KIF21A: variants seen among roughly 807,000 people sequenced by gnomAD.
KIF21A encodes kinesin-like protein KIF21A.
Under a neutral mutation model 202.9 loss-of-function variants are expected in KIF21A, and 114 were observed. The observed-to-expected ratio is 0.56, with a 90% CI of 0.48 to 0.66. KIF21A has a LOEUF of 0.66. Among genes scored for constraint, KIF21A ranks in the 30% least tolerant of loss-of-function variants. KIF21A has a pLI of 0.00. For missense variants in KIF21A, 1,677 were observed against 1,994.9 expected, an observed-to-expected ratio of 0.84 and a Z score of 3.04; for synonymous variants, 667 against 670.8, an observed-to-expected ratio of 0.99 and a Z score of 0.09.
At chr12:39,339,811 G>C (rs150299854) in intron 16 of KIF21A, among the ~76,000 whole-genome samples, 1 of 152,248 alleles carries the variant, frequency 6.6e-6, no homozygotes, top group African/African-American at 2.4e-5. Context: ...TATCTGTAAT[G>C]CTTAATATTT....
At chr12:39,338,884 C>G (rs1947207096) in intron 16 of KIF21A, among the ~76,000 whole-genome samples, 1 of 152,160 alleles carries the variant, frequency 6.6e-6, no homozygotes, top group Non-Finnish European at 1.5e-5. Flanking sequence ...CAACAGACAT[C>G]CTCAAGGCAG....
At chr12:39,434,524 T>A (rs1000649030) in intron 1 of KIF21A, among the ~76,000 whole-genome samples, 5 of 152,244 alleles carry the variant, frequency 3.3e-5, no homozygotes, top group African/African-American at 1.2e-4. Flanking sequence ...TGTCTCGTGA[T>A]CCTTTCTCAA....
At chr12:39,324,280 G>A (rs1297057990) in intron 26 of KIF21A, among the ~76,000 whole-genome samples, 1 of 151,914 alleles carries the variant, frequency 6.6e-6, no homozygotes, top group East Asian at 1.9e-4. Flanking sequence ...ATTTTTCTTG[G>A]GAATTCTTAA....
chr12:39,347,580 T>C (rs1391320379), intron 11 of KIF21A, among the ~76,000 whole-genome samples: 1 of 152,068 alleles, frequency 6.6e-6, no homozygotes, highest in African/African-American at 2.4e-5. Flanking sequence ...TTTCATAATG[T>C]AAGTGCTCCC....
At chr12:39,370,674 G>T (rs1339330403) in intron 1 of KIF21A, among the ~76,000 whole-genome samples, 1 of 151,838 alleles carries the variant, frequency 6.6e-6, no homozygotes, top group Non-Finnish European at 1.5e-5. Context: ...AAAAAGCAAG[G>T]ACATTTATTT....
chr12:39,398,054 C>T (rs1250515737), intron 1 of KIF21A, among the ~76,000 whole-genome samples: 3 of 152,144 alleles, frequency 2.0e-5, no homozygotes, highest in Non-Finnish European at 2.9e-5. Flanking sequence ...CATCCAAAAA[C>T]GATTGTTCTA....
chr12:39,381,805 G>A (rs374527327), intron 1 of KIF21A, among the ~76,000 whole-genome samples: 90 of 152,304 alleles, frequency 5.9e-4, no homozygotes, highest in African/African-American at 2.1e-3. Flanking sequence ...TTACTAACCG[G>A]TTAGAGTTAA....
chr12:39,324,654 C>G (rs186292875), intron 26 of KIF21A, among the ~76,000 whole-genome samples: 27 of 152,310 alleles, frequency 1.8e-4, no homozygotes, highest in Admixed American at 9.1e-4. Context: ...AACAAAGGAT[C>G]TGGTAGCCTT....
intron 30 of KIF21A, 150 bp from the exon 31 acceptor site, chr12:39,315,390 A>G (rs1250554278): frequency 1.4e-6 from 1 of 705,330 alleles, no homozygotes; most frequent in African/African-American, 1.8e-5. Flanking sequence ...ATGAAAAAAA[A>G]TAACAGTTAT....
chr12:39,333,602 A>G (rs1379658610), intron 17 of KIF21A, among the ~76,000 whole-genome samples: 6 of 152,192 alleles, frequency 3.9e-5, no homozygotes, highest in African/African-American at 1.4e-4. Context: ...ATTTTGTTAG[A>G]TATTTTGTTT....
chr12:39,403,433 A>C (rs919121448), intron 1 of KIF21A, among the ~76,000 whole-genome samples: 2 of 152,234 alleles, frequency 1.3e-5, no homozygotes, highest in Non-Finnish European at 2.9e-5. Flanking sequence ...CTACATATTT[A>C]AAAATGTACA....
chr12:39,381,262 G>A (rs1192321162), intron 1 of KIF21A, among the ~76,000 whole-genome samples: 1 of 147,558 alleles, frequency 6.8e-6, no homozygotes, highest in Admixed American at 6.8e-5. Flanking sequence ...GAGCAAGATC[G>A]AGCCACTGCA....
In KIF21A at chr12:39,366,401, A is replaced by G. The variant is rs927384513; in HGVS notation, c.852T>C (p.Thr284=). ...CTTTTGCCCTCTCGCCTGTAGCTCC[A>G]GTACGCTTCAGTCTTTCAGATCCTG... ...DLAGSERLKR[T]GATGERAKEG... is the part of the protein sequence containing the mutation. Residue 284 remains threonine, a synonymous_variant, in exon 6 of 38, where the codon ACT becomes ACC. Transcript: ENST00000361418. 12 of 1,613,976 alleles carry G rather than the reference A, an allele frequency of 7.4e-6. No homozygotes were observed. In the African/African-American group the frequency reaches 1.5e-4, roughly 20 times the overall value.
intron 1 of KIF21A, 101 bp from the exon 2 acceptor site, chr12:39,370,362 C>G (rs948663351): frequency 1.2e-6 from 1 of 802,454 alleles, no homozygotes; most frequent in Non-Finnish European, 2.1e-6. Context: ...TTTTTTAAAA[C>G]TCATGTAATT....
intron 1 of KIF21A, among the ~76,000 whole-genome samples, chr12:39,383,154 T>C (rs1031381861): frequency 6.6e-6 from 1 of 152,252 alleles, no homozygotes; most frequent in Non-Finnish European, 1.5e-5. Flanking sequence ...AAAGTATCTT[T>C]GACAAATGTG....
At chr12:39,301,339 T>G in intron 37 of KIF21A, 141 bp downstream of exon 37, 1 of 790,062 alleles carries the variant, frequency 1.3e-6, no homozygotes, top group Non-Finnish European at 2.1e-6. Flanking sequence ...TCAGAAAATA[T>G]GAATAAGACA....
intron 1 of KIF21A, among the ~76,000 whole-genome samples, chr12:39,400,326 T>C (rs149153734): frequency 1.3e-5 from 2 of 152,318 alleles, no homozygotes; most frequent in African/African-American, 4.8e-5. Context: ...CAGGATGTGC[T>C]GGATTATTAC....
intron 1 of KIF21A, among the ~76,000 whole-genome samples, chr12:39,382,730 C>T (rs1950692290): frequency 6.6e-6 from 1 of 152,052 alleles, no homozygotes; most frequent in Non-Finnish European, 1.5e-5. Context: ...TATTTAAAAT[C>T]CAAATGAACA....
chr12:39,428,421 A>G (rs1207736977), intron 1 of KIF21A, among the ~76,000 whole-genome samples: 1 of 152,240 alleles, frequency 6.6e-6, no homozygotes, highest in African/African-American at 2.4e-5. Context: ...CCCAAACAAA[A>G]CTAGTTATCT....
Sources: allele counts gnomAD v4.1 joint callset (sites outside exome capture counted in the v4.1 genomes callset), GRCh38; gene constraint gnomAD v4.1.1; transcripts MANE v1.5; gene names NCBI Gene and HGNC (gene_info 2026-07-23, HGNC 2026-07-21).